Variants in HM13 observed in about 807,000 individuals in gnomAD.
The protein encoded by HM13 is signal peptide peptidase.
In HM13, 18 loss-of-function variants were observed where a neutral mutation model predicts 50.0. The ratio of observed to expected loss-of-function variants is 0.36; its 90% CI spans 0.25 to 0.53. HM13 has a LOEUF of 0.53. HM13 is among the 20% of genes least tolerant of loss of function. The pLI is 0.90. For synonymous variants in HM13, 197 were observed against 232.6 expected, an observed-to-expected ratio of 0.85 and a Z score of 1.39; for missense variants, 393 against 552.4, an observed-to-expected ratio of 0.71 and a Z score of 2.89.
chr20:31,542,310 G>C (rs1983491060), intron 3 of HM13, among the ~76,000 whole-genome samples: 1 of 152,180 alleles, frequency 6.6e-6, no homozygotes, highest in Admixed American at 6.5e-5. Context: ...ATCTGTGTCT[G>C]AGCTCGTGCC....
chr20:31,529,492 T>G (rs1189486622), intron 2 of HM13, among the ~76,000 whole-genome samples: 1 of 152,160 alleles, frequency 6.6e-6, no homozygotes, highest in East Asian at 1.9e-4. Flanking sequence ...CTGTCCACCC[T>G]CCTTGGCCTT....
rs749623885 is a variant in HM13 at position 31,566,206 on chromosome 20, A to C, written c.949-4A>C. ...TGGCTTCACCAGCCTGTGTCCTCTC[A>C]TAGCCTGCCCTCCTATACCTGGTCC... On this transcript the variant is annotated splice_polypyrimidine_tract_variant and splice_region_variant and intron_variant, in intron 10 of 12. Transcript: ENST00000398174. 1 of 1,613,218 alleles carries C rather than the reference A, an allele frequency of 6.2e-7. No individual in the cohort carries two copies. Among genetic ancestry groups the C allele is most frequent in the Admixed American group, 1.7e-5 (1 of 59,970 alleles).
intron 7 of HM13, among the ~76,000 whole-genome samples, chr20:31,552,608 G>A (rs1984089860): frequency 6.6e-6 from 1 of 152,222 alleles, no homozygotes. Flanking sequence ...CTCATATGCT[G>A]ACATCAGGCT....
chr20:31,565,931 C>A (rs776067859), intron 10 of HM13: 11 of 304,368 alleles, frequency 3.6e-5, no homozygotes, highest in Non-Finnish European at 5.4e-5. Context: ...GCTTTTTGAA[C>A]CTGGTGACCT....
At chr20:31,521,303 A>G (rs1982143478) in intron 1 of HM13, among the ~76,000 whole-genome samples, 1 of 152,206 alleles carries the variant, frequency 6.6e-6, no homozygotes, top group African/African-American at 2.4e-5. Context: ...ACAGCTCCCA[A>G]GAGTTTGGGG....
chr20:31,554,721 C>T (rs1340661557), intron 7 of HM13, 25 bp from the exon 8 acceptor site: 3 of 1,606,594 alleles, frequency 1.9e-6, no homozygotes, highest in Admixed American at 3.4e-5. Flanking sequence ...CAGCTGACTC[C>T]TCACATTCCC....
chr20:31,552,175 A>G (rs1984069362), intron 7 of HM13, among the ~76,000 whole-genome samples: 1 of 152,194 alleles, frequency 6.6e-6, no homozygotes, highest in Non-Finnish European at 1.5e-5. Flanking sequence ...GTGTAAGCCC[A>G]GAGAACCCAG....
At chr20:31,525,971 C>CAA (rs746517570) in intron 1 of HM13, among the ~76,000 whole-genome samples, 2 of 151,626 alleles carry the variant, frequency 1.3e-5, no homozygotes, top group Non-Finnish European at 2.9e-5. Flanking sequence ...GCAAAAAACA[C>CAA]AAAAATTAGC....
chr20:31,516,428 C>T (rs137862431), intron 1 of HM13, among the ~76,000 whole-genome samples: 7 of 151,914 alleles, frequency 4.6e-5, no homozygotes, highest in African/African-American at 1.7e-4. Context: ...CCAAGGAATT[C>T]GGGAGCGTAG....
At chr20:31,532,971 T>C (rs1413806033) in intron 2 of HM13, among the ~76,000 whole-genome samples, 1 of 152,232 alleles carries the variant, frequency 6.6e-6, no homozygotes. Flanking sequence ...TAAGCCTCAG[T>C]CTGCCTCGTG....
chr20:31,547,974 A>T (rs1983818123), intron 4 of HM13: 1 of 1,564,088 alleles, frequency 6.4e-7, no homozygotes, highest in African/African-American at 1.4e-5. Context: ...ATATTGAGAA[A>T]GTCAACAAAG....
At chr20:31,531,075 C>T (rs1322988952) in intron 2 of HM13, among the ~76,000 whole-genome samples, 1 of 152,056 alleles carries the variant, frequency 6.6e-6, no homozygotes, top group Non-Finnish European at 1.5e-5. Flanking sequence ...GATGGAGTCT[C>T]ACTCTGTTGC....
chr20:31,537,269 A>C (rs533131943), intron 2 of HM13, among the ~76,000 whole-genome samples: 2 of 152,302 alleles, frequency 1.3e-5, no homozygotes, highest in East Asian at 1.9e-4. Flanking sequence ...GTGTGAGCCA[A>C]GGCTCAGGAG....
At chr20:31,547,467 G>T in intron 4 of HM13, 1 of 602,416 alleles carries the variant, frequency 1.7e-6, no homozygotes, top group Non-Finnish European at 2.9e-6. Flanking sequence ...TGCCAATTCC[G>T]TTTGTTTCCC....
At chr20:31,560,602 C>A (rs1461354795) in intron 9 of HM13, among the ~76,000 whole-genome samples, 1 of 152,238 alleles carries the variant, frequency 6.6e-6, no homozygotes, top group East Asian at 1.9e-4. Flanking sequence ...CGTCTCTACT[C>A]CTGGCTGTTC....
chr20:31,545,234 G>T (rs559558057), intron 4 of HM13, among the ~76,000 whole-genome samples, 199 bp downstream of exon 4: 1 of 152,212 alleles, frequency 6.6e-6, no homozygotes, highest in African/African-American at 2.4e-5. Flanking sequence ...TCTGAGCATT[G>T]GGTGTTTTTG....
chr20:31,541,033 T>C (rs1442858028), intron 3 of HM13: 1 of 151,718 alleles, frequency 6.6e-6, no homozygotes, highest in East Asian at 1.9e-4. Context: ...CTTCATAATT[T>C]TTAGAGATAG....
At chr20:31,566,014 C>T (rs757275441) in intron 10 of HM13, 196 bp from the exon 11 acceptor site, 72 of 461,746 alleles carry the variant, frequency 1.6e-4, no homozygotes, top group Non-Finnish European at 7.7e-6. Context: ...TCTTAGTTTT[C>T]TTGCATTCCC....
At chr20:31,516,552 C>T (rs999165386) in intron 1 of HM13, among the ~76,000 whole-genome samples, 12 of 152,108 alleles carry the variant, frequency 7.9e-5, no homozygotes, top group African/African-American at 2.9e-4. Flanking sequence ...AGAGGTAGGC[C>T]TGAGCCTTGA....
Sources: allele counts gnomAD v4.1 joint callset (sites outside exome capture counted in the v4.1 genomes callset), GRCh38; gene constraint gnomAD v4.1.1; transcripts MANE v1.5; gene names NCBI Gene and HGNC (gene_info 2026-07-23, HGNC 2026-07-21).